The following MSL2 variants were observed in gnomAD, a reference collection of about 807,000 sequenced individuals.
MSL2 encodes E3 ubiquitin-protein ligase MSL2.
MSL2 carries 2 observed loss-of-function variants against 35.8 expected under a neutral mutation model. The ratio of observed to expected loss-of-function variants is 0.06; its 90% CI spans 0.02 to 0.18. MSL2 has a LOEUF of 0.18. Among genes scored for constraint, MSL2 ranks in the 10% least tolerant of loss-of-function variants. The pLI, the probability that MSL2 is intolerant of heterozygous loss-of-function variation, is 1.00. For synonymous variants in MSL2, 296 were observed against 255.7 expected (o/e 1.16, Z -1.50); for missense variants, 523 against 706.7 (o/e 0.74, Z 2.95).
chr3:136,194,337 C>T, intron 1 of MSL2: 1 of 885,980 alleles, frequency 1.1e-6, no homozygotes, highest in Non-Finnish European at 1.4e-6. Flanking sequence ...AAATAACCCT[C>T]GACAAAGCCA....
chr3:136,187,669 CA>C (rs67802854), intron 1 of MSL2, among the ~76,000 whole-genome samples: 1,675 of 136,988 alleles, frequency 0.012, 29 homozygotes, highest in African/African-American at 0.038. Context: ...GACTCCGTCT[CA>C]AAAAAAAAAA....
At chr3:136,157,165 C>A (rs564566140) in intron 1 of MSL2, among the ~76,000 whole-genome samples, 4 of 152,170 alleles carry the variant, frequency 2.6e-5, no homozygotes, top group Admixed American at 6.5e-5. Flanking sequence ...GTGGCTCACA[C>A]CTGTAATCTC....
intron 1 of MSL2, among the ~76,000 whole-genome samples, chr3:136,168,553 T>C (rs138759294): frequency 7.4e-4 from 112 of 151,576 alleles, no homozygotes; most frequent in Admixed American, 1.9e-3. Flanking sequence ...TAAGTGGGAG[T>C]TGAACAATGA....
chr3:136,183,770 G>A (rs138257294), intron 1 of MSL2, among the ~76,000 whole-genome samples: 21 of 152,268 alleles, frequency 1.4e-4, no homozygotes, highest in African/African-American at 5.1e-4. Flanking sequence ...AAGAGAAACT[G>A]AAAACACATA....
chr3:136,168,011 G>A (rs1939900500), intron 1 of MSL2, among the ~76,000 whole-genome samples: 1 of 152,018 alleles, frequency 6.6e-6, no homozygotes, highest in Non-Finnish European at 1.5e-5. Flanking sequence ...TTACATCAGA[G>A]CCTAAATTTG....
rs1939873890 is a variant in MSL2, at chr3:136,167,081, A to ACTGATAATGGCG, written c.143-14344_143-14343insCGCCATTATCAG. Among the ~76,000 whole-genome samples, 5 of 152,312 alleles carry ACTGATAATGGCG rather than the reference A, an allele frequency of 3.3e-5. No homozygotes were observed. The South Asian group carries it at 8.3e-4, about 25-fold the overall frequency. The stretch of plus-strand genomic sequence containing the variant: ...GGGCACAAGAAAAAAAATATATAAA[A>ACTGATAATGGCG]CTGATAATGGCTAATACTTAGCAAA... On this transcript the variant is annotated intron_variant, in intron 1 of 1. Transcript: ENST00000309993.
chr3:136,165,207 CAAAAAA>C (rs371730438), intron 1 of MSL2, among the ~76,000 whole-genome samples: 3 of 59,334 alleles, frequency 5.1e-5, no homozygotes, highest in Admixed American at 2.0e-4. Context: ...AAGTTCGTGA[CAAAAAA>C]AAAAAAAAAA....
At chr3:136,178,582 G>A (rs552410328) in intron 1 of MSL2, among the ~76,000 whole-genome samples, 16 of 150,678 alleles carry the variant, frequency 1.1e-4, no homozygotes, top group Non-Finnish European at 2.1e-4. Flanking sequence ...GCCCAGGCTG[G>A]AGTGCAGTGC....
chr3:136,194,170 GT>G (rs1559976505), intron 1 of MSL2, among the ~76,000 whole-genome samples: 1 of 152,054 alleles, frequency 6.6e-6, no homozygotes, highest in Non-Finnish European at 1.5e-5. Context: ...TTCAGTCCAG[GT>G]TTTTCGAAAA....
At position 136,149,863 on chromosome 3, in the gene MSL2, A is replaced by C. The variant is rs552523620; in HGVS notation, c.*1284T>G. 2 of 152,526 alleles carry C rather than the reference A, an allele frequency of 1.3e-5. No homozygotes were observed. Among genetic ancestry groups the C allele is most frequent in the East Asian group, 3.9e-4 (2 of 5,190 alleles). The allele number at this position is 152,526 out of a possible 1,614,324, so 9.4% of individuals were successfully genotyped here. ...AAATTTTCCAGCAGTATTTTTCTTT[A>C]AATAAGCACTGTCAAAGCTGCAGCT... On this transcript the variant is annotated 3_prime_UTR_variant, in exon 2 of 2. Coordinates refer to ENST00000309993, the MANE Select transcript of MSL2 (RefSeq NM_018133.4).
intron 1 of MSL2, among the ~76,000 whole-genome samples, chr3:136,192,456 G>A (rs1940717707): frequency 6.6e-6 from 1 of 152,130 alleles, no homozygotes; most frequent in Non-Finnish European, 1.5e-5. Flanking sequence ...TGGGATTACA[G>A]GCACCTGGCC....
At chr3:136,189,555 T>C (rs1940624337) in intron 1 of MSL2, among the ~76,000 whole-genome samples, 1 of 149,758 alleles carries the variant, frequency 6.7e-6, no homozygotes, top group Non-Finnish European at 1.5e-5. Context: ...AAACCCCTTG[T>C]CTACTAAAAA....
At chr3:136,184,164 T>C (rs1430396580) in intron 1 of MSL2, among the ~76,000 whole-genome samples, 1 of 151,672 alleles carries the variant, frequency 6.6e-6, no homozygotes, top group East Asian at 1.9e-4. Flanking sequence ...GCGTTGACGG[T>C]GGGCGCCTGT....
chr3:136,191,770 T>C (rs149318129), intron 1 of MSL2, among the ~76,000 whole-genome samples: 1,535 of 152,234 alleles, frequency 0.01, 29 homozygotes, highest in African/African-American at 0.033. Context: ...AAGATCCTGT[T>C]TCAATAAAAA....
intron 1 of MSL2, among the ~76,000 whole-genome samples, chr3:136,184,122 C>T (rs894837544): frequency 2.0e-5 from 3 of 151,612 alleles, no homozygotes; most frequent in Admixed American, 6.6e-5. Context: ...GGTGAAACCC[C>T]GTCTCTACTA....
At chr3:136,181,515 C>A (rs1039168256) in intron 1 of MSL2, among the ~76,000 whole-genome samples, 15 of 152,066 alleles carry the variant, frequency 9.9e-5, no homozygotes, top group Admixed American at 7.9e-4. Context: ...TCACTACCAC[C>A]GTGGAACACC....
intron 1 of MSL2, chr3:136,155,956 C>T (rs1329238075): frequency 2.2e-6 from 1 of 464,168 alleles, no homozygotes; most frequent in Non-Finnish European, 4.3e-6. Flanking sequence ...CTGCATGTAC[C>T]ACTCTTATGC....
At position 136,196,054 on chromosome 3, in the gene MSL2, G is replaced by T. The variant is rs576124548; in HGVS notation, c.-941C>A. On this transcript the variant is annotated 5_prime_UTR_variant, in exon 1 of 2. Coordinates refer to ENST00000309993, the MANE Select transcript of MSL2 (RefSeq NM_018133.4). ...GCCGCCCTCAGCACTCCCCGGCCGCGGAAGGCAAGCGCTCACACCGCCAGG... is the reference window on the plus strand; with the variant it reads ...GCCGCCCTCAGCACTCCCCGGCCGCTGAAGGCAAGCGCTCACACCGCCAGG... The T allele has an allele frequency of 1.0e-4, 16 of 158,304 alleles. 1 individual carries two copies. In the South Asian group the frequency reaches 2.9e-3, roughly 28 times the overall value. The allele number at this position is 158,304 out of a possible 1,614,324, so 9.8% of individuals were successfully genotyped here.
chr3:136,179,282 G>A (rs1441780023), intron 1 of MSL2, among the ~76,000 whole-genome samples: 1 of 152,066 alleles, frequency 6.6e-6, no homozygotes, highest in African/African-American at 2.4e-5. Flanking sequence ...AACCTCCTGG[G>A]TTCAAGCAAT....
Sources: allele counts gnomAD v4.1 joint callset (sites outside exome capture counted in the v4.1 genomes callset), GRCh38; gene constraint gnomAD v4.1.1; transcripts MANE v1.5; gene names NCBI Gene and HGNC (gene_info 2026-07-23, HGNC 2026-07-21).